Variants in PLCB4 observed in about 807,000 individuals in gnomAD.
PLCB4 encodes the protein phospholipase C beta 4.
In PLCB4, 77 loss-of-function variants were observed where a neutral mutation model predicts 178.8. The ratio of observed to expected loss-of-function variants is 0.43; its 90% CI spans 0.36 to 0.52. The LOEUF is 0.52. PLCB4 is among the 20% of genes least tolerant of loss of function. The probability of loss-of-function intolerance (pLI) is 0.00; values close to 1 mark genes in which losing one functional copy is unlikely to be tolerated. For missense variants in PLCB4, 1,024 were observed against 1,453.4 expected (o/e 0.70, Z 4.80); for synonymous variants, 496 against 490.8 (o/e 1.01, Z -0.14).
chr20:9,208,197 G>T (rs1167543410), intron 2 of PLCB4, among the ~76,000 whole-genome samples: 1 of 152,168 alleles, frequency 6.6e-6, no homozygotes, highest in African/African-American at 2.4e-5. Flanking sequence ...GTGCATCAGG[G>T]GTGAATTCAT....
intron 2 of PLCB4, among the ~76,000 whole-genome samples, chr20:9,189,459 T>G (rs867777000): frequency 2.7e-5 from 2 of 74,270 alleles, no homozygotes; most frequent in Non-Finnish European, 2.9e-5. Flanking sequence ...GGTTGGTTAA[T>G]TGTTCATTGT....
At chr20:9,425,015 A>T (rs1602599350) in intron 28 of PLCB4, among the ~76,000 whole-genome samples, 1 of 152,052 alleles carries the variant, frequency 6.6e-6, no homozygotes. Context: ...CAAAATTCAT[A>T]GTCCAGGCTC....
intron 25 of PLCB4, among the ~76,000 whole-genome samples, chr20:9,416,081 A>G (rs1403959940): frequency 6.6e-6 from 1 of 152,184 alleles, no homozygotes; most frequent in East Asian, 1.9e-4. Flanking sequence ...ACTCTCTTCA[A>G]GTATACAAAA....
rs142086733 is a variant in PLCB4 at position 9,463,812 on chromosome 20, C to T, written c.3248+4002C>T. Among the ~76,000 whole-genome samples, 605 of 152,162 alleles carry T rather than the reference C, an allele frequency of 4.0e-3. 4 individuals are homozygous for T. In the East Asian group the frequency reaches 0.043, roughly 11 times the overall value. ...TTAGAGACCTACAAAGAGACTTAGACTCCCACATAATAATAATGGGAGACT... is the reference window on the plus strand; with the variant it reads ...TTAGAGACCTACAAAGAGACTTAGATTCCCACATAATAATAATGGGAGACT... On this transcript the variant is annotated intron_variant, in intron 35 of 39. Coordinates refer to ENST00000378473, the MANE Select transcript of PLCB4 (RefSeq NM_001377142.1).
intron 28 of PLCB4, among the ~76,000 whole-genome samples, chr20:9,426,682 T>G (rs1375584262): frequency 6.6e-6 from 1 of 152,168 alleles, no homozygotes; most frequent in Non-Finnish European, 1.5e-5. Flanking sequence ...TGGCCTTTTC[T>G]GTTTTATTTT....
intron 39 of PLCB4, 128 bp downstream of exon 39, chr20:9,476,881 C>A: frequency 1.6e-6 from 1 of 633,126 alleles, no homozygotes; most frequent in Non-Finnish European, 2.8e-6. Context: ...GATTTAAAAG[C>A]TTGACTATTC....
At chr20:9,250,700 G>A (rs1448927902) in intron 3 of PLCB4, among the ~76,000 whole-genome samples, 1 of 152,190 alleles carries the variant, frequency 6.6e-6, no homozygotes, top group Admixed American at 6.5e-5. Flanking sequence ...TCTGGTATGT[G>A]ATGTGTGCAA....
intron 1 of PLCB4, among the ~76,000 whole-genome samples, chr20:9,087,303 TTATACTATACATAG>T (rs1024818597): frequency 5.3e-5 from 8 of 152,218 alleles, no homozygotes; most frequent in African/African-American, 1.9e-4. Flanking sequence ...AAGACTTATT[TTATACTATACATAG>T]TATACTATAC....
At position 9,401,049 on chromosome 20, in the gene PLCB4, G is replaced by T. The variant is rs1444381069; in HGVS notation, c.1511-441G>T. Among the ~76,000 whole-genome samples, 5 of 152,084 alleles carry T rather than the reference G, an allele frequency of 3.3e-5. No individual in the cohort carries two copies. The South Asian group carries it at 1.0e-3, about 32-fold the overall frequency. On this transcript the variant is annotated intron_variant, in intron 19 of 39. Transcript: ENST00000378473. ...TCATTATGCCCATAAAATTCAAGTG[G>T]ACATTTTAGTCTCTTTCAAAATTAT...
At chr20:9,302,452 C>T (rs528192268) in intron 3 of PLCB4, among the ~76,000 whole-genome samples, 1 of 152,172 alleles carries the variant, frequency 6.6e-6, no homozygotes, top group East Asian at 1.9e-4. Flanking sequence ...CCAGCTAGTG[C>T]CCCTGATGCC....
intron 25 of PLCB4, among the ~76,000 whole-genome samples, chr20:9,414,031 C>T (rs1442944584): frequency 6.6e-6 from 1 of 152,214 alleles, no homozygotes; most frequent in Non-Finnish European, 1.5e-5. Flanking sequence ...GGATTACAGG[C>T]ATGAGCTACT....
intron 31 of PLCB4, 47 bp downstream of exon 31, chr20:9,444,077 T>G: frequency 6.9e-7 from 1 of 1,446,316 alleles, no homozygotes. Flanking sequence ...TTACACATAT[T>G]GGTGACACCA....
At chr20:9,112,448 T>G (rs2091616207) in intron 2 of PLCB4, among the ~76,000 whole-genome samples, 1 of 151,862 alleles carries the variant, frequency 6.6e-6, no homozygotes, top group South Asian at 2.1e-4. Context: ...GAGATGGGGT[T>G]TCACCATGTT....
intron 21 of PLCB4, among the ~76,000 whole-genome samples, chr20:9,405,770 AT>A (rs767788717): frequency 6.6e-6 from 1 of 152,188 alleles, no homozygotes; most frequent in African/African-American, 2.4e-5. Context: ...GTAAAGTTAC[AT>A]TTTCACTTTC....
rs567670139 is a variant in PLCB4 at position 9,171,885 on chromosome 20, G to A, written c.-78-45505G>A. On this transcript the variant is annotated intron_variant, in intron 2 of 39. Transcript: ENST00000378473. ...AATGGAATGGAAAGAAATATCAATC[G>A]ATCTTCCATATTTGGCAGAGTGCTT... is the stretch of plus-strand genomic sequence containing the variant. Among the ~76,000 whole-genome samples, 21 of 152,120 alleles carry A rather than the reference G, an allele frequency of 1.4e-4. No homozygotes were observed. In the Middle Eastern group the frequency reaches 0.014, roughly 99 times the overall value.
chr20:9,268,029 G>A (rs1266026332), intron 3 of PLCB4, among the ~76,000 whole-genome samples: 9 of 152,184 alleles, frequency 5.9e-5, no homozygotes, highest in Non-Finnish European at 1.0e-4. Context: ...TTCACCAGAT[G>A]CAGCTGCCTG....
At chr20:9,362,032 G>A (rs184932543) in intron 7 of PLCB4, among the ~76,000 whole-genome samples, 20 of 152,198 alleles carry the variant, frequency 1.3e-4, no homozygotes, top group Admixed American at 3.3e-4. Context: ...GCACTAAGCC[G>A]CAAATCTAAG....
intron 9 of PLCB4, among the ~76,000 whole-genome samples, chr20:9,368,172 G>A (rs2035938544): frequency 6.6e-6 from 1 of 152,200 alleles, no homozygotes; most frequent in Admixed American, 6.5e-5. Context: ...GCTTCATAGT[G>A]ATTACATAGC....
intron 25 of PLCB4, among the ~76,000 whole-genome samples, chr20:9,413,658 CAA>C (rs869124730): frequency 1.6e-3 from 105 of 67,370 alleles, no homozygotes; most frequent in Admixed American, 2.8e-3. Context: ...GACTCCATCT[CAA>C]AAAAAAAAAA....
Sources: gnomAD v4.1 joint callset for allele counts (sites outside exome capture counted in the v4.1 genomes callset) on GRCh38, gnomAD v4.1.1 for gene constraint, MANE v1.5 for transcripts, NCBI Gene and HGNC (gene_info 2026-07-23, HGNC 2026-07-21) for gene names.